Variants in ERC2 observed in about 807,000 individuals in gnomAD.
ERC2 encodes the protein ERC protein 2.
Under a neutral mutation model 114.8 loss-of-function variants are expected in ERC2, and 42 were observed. The ratio of observed to expected loss-of-function variants is 0.37; its 90% CI spans 0.29 to 0.47. ERC2 has a LOEUF of 0.47. Among genes scored for constraint, ERC2 ranks in the 20% least tolerant of loss-of-function variants. The pLI, the probability that ERC2 is intolerant of heterozygous loss-of-function variation, is 0.99. For synonymous variants in ERC2, 454 were observed against 425.5 expected, an observed-to-expected ratio of 1.07 and a Z score of -0.82; for missense variants, 939 against 1,150.7, an observed-to-expected ratio of 0.82 and a Z score of 2.66.
At chr3:55,689,495 T>C (rs1216772021) in intron 16 of ERC2, among the ~76,000 whole-genome samples, 1 of 151,964 alleles carries the variant, frequency 6.6e-6, no homozygotes, top group African/African-American at 2.4e-5. Context: ...CAGATAACCA[T>C]AAAAAAGGGT....
chr3:56,075,003 T>G (rs2076905227), intron 7 of ERC2, among the ~76,000 whole-genome samples: 1 of 152,194 alleles, frequency 6.6e-6, no homozygotes. Flanking sequence ...GGTATCTTGA[T>G]GATTATGGTT....
chr3:55,917,630 T>C (rs2065178171), intron 13 of ERC2, among the ~76,000 whole-genome samples: 1 of 152,108 alleles, frequency 6.6e-6, no homozygotes, highest in African/African-American at 2.4e-5. Flanking sequence ...TACTGGAAGC[T>C]GGGGTTTGAG....
chr3:56,409,172 C>A (rs753730167), intron 2 of ERC2, among the ~76,000 whole-genome samples: 1 of 152,298 alleles, frequency 6.6e-6, no homozygotes, highest in Middle Eastern at 3.4e-3. Flanking sequence ...CCTAGGGCTT[C>A]GCATTGTATC....
chr3:55,786,849 A>G lies in ERC2; in HGVS notation c.2565-51931T>C, dbSNP rs574159310. The stretch of plus-strand genomic sequence containing the variant: ...TGATAGCATCTCCCTCAAGGTGGTG[A>G]GTAATGAAAAAATGTCCCCTGGCCT... On this transcript the variant is annotated intron_variant, in intron 14 of 17. Coordinates refer to ENST00000288221, the MANE Select transcript of ERC2 (RefSeq NM_015576.3). Among the ~76,000 whole-genome samples the G allele has an allele frequency of 4.6e-5, 7 of 152,254 alleles. No individual in the cohort carries two copies. The South Asian group carries it at 1.5e-3, about 32-fold the overall frequency.
intron 7 of ERC2, among the ~76,000 whole-genome samples, chr3:56,061,802 C>T (rs2149708258): frequency 6.6e-6 from 1 of 152,250 alleles, no homozygotes; most frequent in South Asian, 2.1e-4. Context: ...AGAAGAAATA[C>T]ATAAATTACC....
At chr3:55,938,405 A>G (rs1339726745) in intron 13 of ERC2, among the ~76,000 whole-genome samples, 2 of 152,232 alleles carry the variant, frequency 1.3e-5, no homozygotes, top group East Asian at 1.9e-4. Flanking sequence ...TCTAACGTAC[A>G]TGTGGTAATT....
intron 17 of ERC2, among the ~76,000 whole-genome samples, chr3:55,612,542 A>G (rs2058950606): frequency 6.6e-6 from 1 of 152,242 alleles, no homozygotes; most frequent in Non-Finnish European, 1.5e-5. Context: ...CAGCAGGTCC[A>G]GAAATGTTAT....
intron 3 of ERC2, among the ~76,000 whole-genome samples, chr3:56,198,736 A>C (rs534659721): frequency 5.9e-5 from 9 of 152,330 alleles, no homozygotes; most frequent in South Asian, 2.1e-4. Flanking sequence ...TGGCAGTGGG[A>C]GCGTGGACTG....
At chr3:56,052,828 T>TAGGAC (rs1269670380) in intron 7 of ERC2, among the ~76,000 whole-genome samples, 1 of 152,094 alleles carries the variant, frequency 6.6e-6, no homozygotes, top group Non-Finnish European at 1.5e-5. Context: ...CACATAATCA[T>TAGGAC]AGGACTGTCA....
chr3:56,399,306 T>C (rs138015392), intron 2 of ERC2, among the ~76,000 whole-genome samples: 155 of 152,314 alleles, frequency 1.0e-3, no homozygotes, highest in African/African-American at 3.5e-3. Flanking sequence ...AGGCTGAAAG[T>C]AGGCAAGTCC....
At chr3:56,037,775 A>C (rs1360421156) in intron 7 of ERC2, among the ~76,000 whole-genome samples, 1 of 152,194 alleles carries the variant, frequency 6.6e-6, no homozygotes, top group Non-Finnish European at 1.5e-5. Flanking sequence ...GTCAAAATGA[A>C]GGAAAAATGT....
At chr3:55,806,998 T>C (rs1008092670) in intron 14 of ERC2, among the ~76,000 whole-genome samples, 2 of 152,052 alleles carry the variant, frequency 1.3e-5, no homozygotes. Context: ...ACTAAAGAGG[T>C]AGAGGTGCTA....
chr3:55,969,077 C>T (rs554830464), intron 12 of ERC2, among the ~76,000 whole-genome samples: 3 of 152,146 alleles, frequency 2.0e-5, no homozygotes, highest in African/African-American at 7.2e-5. Context: ...ATTAAAATGG[C>T]CAAATTCTTA....
intron 17 of ERC2, among the ~76,000 whole-genome samples, chr3:55,643,311 C>G (rs921444414): frequency 5.3e-5 from 8 of 152,026 alleles, no homozygotes; most frequent in Admixed American, 5.2e-4. Flanking sequence ...GAAGATTTTT[C>G]AAAATCTTAT....
chr3:55,599,458 C>T (rs913970495), intron 17 of ERC2, among the ~76,000 whole-genome samples: 6 of 152,142 alleles, frequency 3.9e-5, no homozygotes, highest in Non-Finnish European at 8.8e-5. Context: ...TATGCACACA[C>T]CAGAGAAATT....
intron 17 of ERC2, among the ~76,000 whole-genome samples, chr3:55,528,864 C>T (rs908436220): frequency 6.6e-6 from 1 of 152,124 alleles, no homozygotes; most frequent in Admixed American, 6.5e-5. Flanking sequence ...GTCTCCAGAC[C>T]TTGCCAAATG....
intron 2 of ERC2, among the ~76,000 whole-genome samples, chr3:56,338,773 AC>A (rs2057967543): frequency 1.3e-5 from 2 of 152,254 alleles, no homozygotes; most frequent in African/African-American, 4.8e-5. Flanking sequence ...CTTAAAATCC[AC>A]ACTGGGACAT....
chr3:55,628,585 A>T (rs2059616573), intron 17 of ERC2, among the ~76,000 whole-genome samples: 1 of 152,224 alleles, frequency 6.6e-6, no homozygotes, highest in African/African-American at 2.4e-5. Context: ...AAGATCAATC[A>T]GTAGCCAAGA....
intron 4 of ERC2, among the ~76,000 whole-genome samples, chr3:56,155,042 G>T (rs1221447152): frequency 2.6e-5 from 4 of 152,160 alleles, no homozygotes; most frequent in Non-Finnish European, 5.9e-5. Flanking sequence ...GAAGTTTCCA[G>T]AATAACAGCT....
Sources: allele counts gnomAD v4.1 joint callset (sites outside exome capture counted in the v4.1 genomes callset), GRCh38; gene constraint gnomAD v4.1.1; transcripts MANE v1.5; gene names NCBI Gene and HGNC (gene_info 2026-07-23, HGNC 2026-07-21).